Variants in PCDHGA1 observed in about 807,000 individuals in gnomAD.
The protein encoded by PCDHGA1 is protocadherin gamma subfamily A, 1.
PCDHGA1 carries 32 observed loss-of-function variants against 58.0 expected under a neutral mutation model. That is an observed-to-expected ratio of 0.55 (90% CI 0.42 to 0.74). PCDHGA1 has a LOEUF of 0.74. PCDHGA1 is among the 30% of genes least tolerant of loss of function. The pLI, the probability that PCDHGA1 is intolerant of heterozygous loss-of-function variation, is 0.00. For missense variants in PCDHGA1, 1,205 were observed against 1,182.3 expected (o/e 1.02, Z -0.28); for synonymous variants, 498 against 501.1 (o/e 0.99, Z 0.08).
intron 1 of PCDHGA1, chr5:141,344,858 T>G: frequency 6.2e-7 from 1 of 1,613,958 alleles, no homozygotes; most frequent in Non-Finnish European, 8.5e-7. Context: ...GATTCAATGC[T>G]CAAGTGTCTT....
At chr5:141,417,859 G>T (rs925593025) in intron 1 of PCDHGA1, 10 of 1,548,090 alleles carry the variant, frequency 6.5e-6, no homozygotes, top group African/African-American at 2.7e-5. Context: ...CCGAGCGAAC[G>T]ATGGGAGGGA....
chr5:141,446,988 C>T (rs548721486), intron 1 of PCDHGA1, among the ~76,000 whole-genome samples: 1 of 152,154 alleles, frequency 6.6e-6, no homozygotes, highest in Non-Finnish European at 1.5e-5. Flanking sequence ...TCATACTCCA[C>T]TCTTCAGACT....
At chr5:141,351,578 G>T (rs758216831) in intron 1 of PCDHGA1, 12 of 1,613,878 alleles carry the variant, frequency 7.4e-6, no homozygotes, top group Non-Finnish European at 1.0e-5. Flanking sequence ...GCACATCTCC[G>T]ACATCAACGA....
At chr5:141,438,249 A>G (rs1166079222) in intron 1 of PCDHGA1, among the ~76,000 whole-genome samples, 2 of 152,168 alleles carry the variant, frequency 1.3e-5, no homozygotes, top group Non-Finnish European at 2.9e-5. Context: ...AAAAACTGTC[A>G]TTGAAGAGAC....
chr5:141,433,379 CTAT>C (rs2097594474), intron 1 of PCDHGA1, among the ~76,000 whole-genome samples: 1 of 151,230 alleles, frequency 6.6e-6, no homozygotes, highest in Non-Finnish European at 1.5e-5. Context: ...ATCTATCTAT[CTAT>C]CTATCTATCT....
At chr5:141,389,537 C>T in intron 1 of PCDHGA1, 2 of 1,613,216 alleles carry the variant, frequency 1.2e-6, no homozygotes, top group Non-Finnish European at 8.5e-7. Context: ...TGTTAGTGGA[C>T]GACCGCAACG....
intron 1 of PCDHGA1, among the ~76,000 whole-genome samples, chr5:141,475,625 G>C (rs1172186188): frequency 2.0e-5 from 3 of 152,204 alleles, no homozygotes; most frequent in African/African-American, 7.2e-5. Flanking sequence ...GGTTTGGTTC[G>C]ATCCCCTTTC....
At position 141,477,866 on chromosome 5, in the gene PCDHGA1, A is replaced by G; in HGVS notation, c.2422-16941A>G. ...CTCGGTGGAGATGCTGCCTCGAGGT[A>G]CCTCAGCTGGCCACCTAGTGTCACG... On this transcript the variant is annotated intron_variant, in intron 1 of 3. Coordinates refer to ENST00000517417, the MANE Select transcript of PCDHGA1 (RefSeq NM_018912.3). This position sits in a 1 kb window ranked among gnomAD's most constrained non-coding sequence, Gnocchi z 4.9. 1 of 1,614,072 alleles carries G rather than the reference A, an allele frequency of 6.2e-7. No homozygotes were observed. Among genetic ancestry groups the G allele is most frequent in the Non-Finnish European group, 8.5e-7 (1 of 1,179,988 alleles).
Position 141,432,538 on chromosome 5 carries a change from G to T in PCDHGA1, c.2422-62269G>T, listed in dbSNP as rs200601557. 1 of 1,613,908 alleles carries T rather than the reference G, an allele frequency of 6.2e-7. No individual in the cohort carries two copies. Among genetic ancestry groups the T allele is most frequent in the African/African-American group, 1.3e-5 (1 of 74,936 alleles). Reference sequence around the variant, plus strand: ...GCTACCTGGTGACCAAGGTGGTGGCGGTGGACAGAGACTCCGGCCAGAACG... The same window carrying T: ...GCTACCTGGTGACCAAGGTGGTGGCTGTGGACAGAGACTCCGGCCAGAACG... On this transcript the variant is annotated intron_variant, in intron 1 of 3. Coordinates refer to ENST00000517417, the MANE Select transcript of PCDHGA1 (RefSeq NM_018912.3). This position sits in a 1 kb window ranked among gnomAD's most constrained non-coding sequence, Gnocchi z 6.0.
chr5:141,424,690 TA>T (rs796070231), intron 1 of PCDHGA1: 89 of 152,358 alleles, frequency 5.8e-4, no homozygotes, highest in African/African-American at 1.9e-3. Context: ...TCCTTCTGGC[TA>T]TTTTTTTGTT....
At chr5:141,423,250 G>T in intron 1 of PCDHGA1, 1 of 1,613,954 alleles carries the variant, frequency 6.2e-7, no homozygotes, top group Non-Finnish European at 8.5e-7. Context: ...AGTCCTGGCG[G>T]ACCTCGGCAG....
Position 141,376,352 on chromosome 5 carries a change from G to A in PCDHGA1, c.2421+43247G>A, listed in dbSNP as rs919062386. On this transcript the variant is annotated intron_variant, in intron 1 of 3. Coordinates refer to ENST00000517417, the MANE Select transcript of PCDHGA1 (RefSeq NM_018912.3). Reference sequence around the variant, plus strand: ...TTTCCTGCAGACCTATTCCCACGAGGTCTCACTCACTGCAGACTCGCGTAA... The same window carrying A: ...TTTCCTGCAGACCTATTCCCACGAGATCTCACTCACTGCAGACTCGCGTAA... 3.9e-5 allele frequency: 63 copies of A among 1,614,164 alleles called. No homozygotes were observed. In the East Asian group the frequency reaches 1.4e-3, roughly 35 times the overall value.
chr5:141,342,949 C>T (rs2149729507), intron 1 of PCDHGA1: 1 of 152,304 alleles, frequency 6.6e-6, no homozygotes, highest in East Asian at 1.9e-4. Flanking sequence ...CACACCTAGG[C>T]ATTGTCATGC....
At chr5:141,339,799 A>G in intron 1 of PCDHGA1, 1 of 1,614,226 alleles carries the variant, frequency 6.2e-7, no homozygotes. Flanking sequence ...ACTACGCTCA[A>G]GTGGTATATT....
intron 1 of PCDHGA1, chr5:141,417,649 C>G (rs1294192479): frequency 1.2e-6 from 1 of 826,168 alleles, no homozygotes; most frequent in East Asian, 2.8e-5. Flanking sequence ...CCCTCAGCCT[C>G]TAGCCTGGGA....
chr5:141,480,152 C>G (rs2099513323), intron 1 of PCDHGA1, among the ~76,000 whole-genome samples: 1 of 151,928 alleles, frequency 6.6e-6, no homozygotes, highest in African/African-American at 2.4e-5. Context: ...TAGCCAGCTC[C>G]TAGCATTTTG....
chr5:141,451,528 G>C (rs1451101169), intron 1 of PCDHGA1, among the ~76,000 whole-genome samples: 8 of 152,210 alleles, frequency 5.3e-5, no homozygotes. Flanking sequence ...AAGTAAAGGA[G>C]AGTGCCAGAG....
In PCDHGA1 at chr5:141,332,177, G is replaced by C. The variant is rs1175394002; in HGVS notation, c.1493G>C (p.Gly498Ala). Residue 498 changes from glycine (G) to alanine (A), a missense_variant, in exon 1 of 4, where the codon GGG becomes GCG. Coordinates refer to ENST00000517417, the MANE Select transcript of PCDHGA1 (RefSeq NM_018912.3). This position sits in a 1 kb window ranked among gnomAD's most constrained non-coding sequence, Gnocchi z 4.6. ...TYSLIEDTIQ[G>A]APLSAYLSIN... ...TCCCTAATAGAGGACACTATCCAGG[G>C]GGCACCCCTATCTGCCTACCTCTCC... 6.2e-7 allele frequency: 1 copy of C among 1,614,146 alleles called. No individual in the cohort carries two copies. The highest frequency in any genetic ancestry group is 2.2e-5 in the East Asian group (1 of 44,874).
At chr5:141,407,930 C>T (rs2095001418) in intron 1 of PCDHGA1, 2 of 498,880 alleles carry the variant, frequency 4.0e-6, no homozygotes, top group Non-Finnish European at 6.9e-6. Flanking sequence ...CGCACGGAGC[C>T]TCTGGGCGCC....
Sources: allele counts gnomAD v4.1 joint callset (sites outside exome capture counted in the v4.1 genomes callset), GRCh38; gene constraint gnomAD v4.1.1; non-coding constraint Gnocchi (gnomAD v3.1); transcripts MANE v1.5; gene names NCBI Gene and HGNC (gene_info 2026-07-23, HGNC 2026-07-21).